Variants in STK32B observed in about 807,000 individuals in gnomAD.
STK32B encodes serine/threonine-protein kinase 32B.
Under a neutral mutation model 52.6 loss-of-function variants are expected in STK32B, and 43 were observed. The observed-to-expected ratio is 0.82, with a 90% CI of 0.64 to 1.05. The LOEUF (loss-of-function observed/expected upper bound fraction) is 1.05, where lower values mean the gene tolerates loss of function less well. STK32B is among the 50% of genes least tolerant of loss of function. STK32B has a pLI of 0.00. For synonymous variants in STK32B, 238 were observed against 204.3 expected (o/e 1.17, Z -1.41); for missense variants, 621 against 534.6 (o/e 1.16, Z -1.59).
At chr4:5,239,105 C>A (rs1055597196) in intron 3 of STK32B, among the ~76,000 whole-genome samples, 2 of 152,010 alleles carry the variant, frequency 1.3e-5, no homozygotes, top group Non-Finnish European at 2.9e-5. Flanking sequence ...GCATGGGAAG[C>A]CCTGAGGTGA....
upstream of STK32B, among the ~76,000 whole-genome samples, chr4:5,050,700 C>T (rs528443869): frequency 1.1e-4 from 17 of 152,316 alleles, no homozygotes; most frequent in South Asian, 2.9e-3. Flanking sequence ...CTGCCTGTCC[C>T]TCAGGGAGCG....
At chr4:5,412,450 G>T (rs767453737) in intron 5 of STK32B, among the ~76,000 whole-genome samples, 1 of 152,160 alleles carries the variant, frequency 6.6e-6, no homozygotes, top group Admixed American at 6.5e-5. Context: ...GTCGTGCAGG[G>T]TGTTGCCCAC....
intron 3 of STK32B, among the ~76,000 whole-genome samples, chr4:5,279,066 A>G (rs1728026397): frequency 6.6e-6 from 1 of 152,010 alleles, no homozygotes; most frequent in Admixed American, 6.6e-5. Context: ...ACCCCTCCCA[A>G]ATCTCATATC....
At chr4:5,225,328 A>C (rs1333529678) in intron 3 of STK32B, among the ~76,000 whole-genome samples, 3 of 151,898 alleles carry the variant, frequency 2.0e-5, no homozygotes, top group Non-Finnish European at 4.4e-5. Flanking sequence ...AATCGTTTGA[A>C]CCCAGGAGGC....
chr4:5,151,208 C>G (rs563928576), intron 2 of STK32B, among the ~76,000 whole-genome samples: 1 of 152,280 alleles, frequency 6.6e-6, no homozygotes, highest in African/African-American at 2.4e-5. Flanking sequence ...GTATTCAGCA[C>G]AAGGTTAACC....
chr4:5,363,154 A>G (rs1349261046), intron 4 of STK32B, among the ~76,000 whole-genome samples: 3 of 152,226 alleles, frequency 2.0e-5, no homozygotes, highest in Non-Finnish European at 4.4e-5. Flanking sequence ...CACGGTGCCT[A>G]TCAGGAATGT....
rs1269396867 is a variant in STK32B at position 5,456,895 on chromosome 4, G to C, written c.755G>C (p.Cys252Ser). The change falls in exon 8 of 12, where the codon TGC (cysteine) becomes TCC (serine). Residue 252 changes from cysteine (C) to serine (S), a missense_variant. Cys to Ser is a moderately radical substitution (Grantham distance 112). Transcript: ENST00000282908. ...VERVHYSSTW[C>S]KGMVALLRKL... ...CGTGTCCACTACTCCTCCACGTGGT[G>C]CAAGGGGATGGTGGCCCTGCTGAGG... The C allele has an allele frequency of 5.7e-6, 9 of 1,582,758 alleles. No individual in the cohort carries two copies. Among genetic ancestry groups the C allele is most frequent in the Non-Finnish European group, 7.7e-6 (9 of 1,163,052 alleles).
chr4:5,398,131 C>A lies in STK32B; in HGVS notation c.435-76C>A. Reference sequence around the variant, plus strand: ...CAGCCTGGGTGTTCCAGCATTTGTCCTGATGTGGTGCTTGTCTATGTGCTC... The same window carrying A: ...CAGCCTGGGTGTTCCAGCATTTGTCATGATGTGGTGCTTGTCTATGTGCTC... On this transcript the variant is annotated intron_variant, in intron 4 of 11. Transcript: ENST00000282908. This position sits in a 1 kb window ranked among gnomAD's most constrained non-coding sequence, Gnocchi z 4.9. 1.3e-6 allele frequency: 2 copies of A among 1,557,308 alleles called. No individual in the cohort carries two copies. Among genetic ancestry groups the A allele is most frequent in the Non-Finnish European group, 8.8e-7 (1 of 1,137,554 alleles).
chr4:5,197,102 T>G (rs1301926855), intron 3 of STK32B, among the ~76,000 whole-genome samples: 1 of 152,150 alleles, frequency 6.6e-6, no homozygotes, highest in Non-Finnish European at 1.5e-5. Flanking sequence ...GAAACTCAGA[T>G]GTCTGCAGGG....
intron 3 of STK32B, among the ~76,000 whole-genome samples, chr4:5,275,454 C>G (rs371905242): frequency 2.0e-4 from 30 of 152,310 alleles, no homozygotes; most frequent in Non-Finnish European, 3.7e-4. Flanking sequence ...TCTGGGCACT[C>G]TCTCACCCAG....
At chr4:5,022,844 G>A in the STK32B span, among the ~76,000 whole-genome samples, 1 of 151,964 alleles carries the variant, frequency 6.6e-6, no homozygotes. Context: ...TCCTCTCGGA[G>A]GAGATTGATG....
intron 4 of STK32B, among the ~76,000 whole-genome samples, chr4:5,390,070 C>T (rs897873699): frequency 6.6e-6 from 1 of 152,184 alleles, no homozygotes; most frequent in African/African-American, 2.4e-5. Context: ...TACTCTTTGC[C>T]CCTGAGGTTC....
intron 3 of STK32B, among the ~76,000 whole-genome samples, chr4:5,300,696 A>G (rs1729496987): frequency 6.6e-6 from 1 of 152,186 alleles, no homozygotes; most frequent in Admixed American, 6.5e-5. Flanking sequence ...CAATAACCAC[A>G]AAAAGAATAA....
intron 11 of STK32B, among the ~76,000 whole-genome samples, chr4:5,483,718 G>A (rs1046104678): frequency 5.3e-5 from 8 of 151,968 alleles, no homozygotes; most frequent in African/African-American, 1.9e-4. Flanking sequence ...TTCTCTTGTG[G>A]ACATTTAGTG....
intron 3 of STK32B, among the ~76,000 whole-genome samples, chr4:5,318,489 C>G (rs1731266435): frequency 6.6e-6 from 1 of 151,998 alleles, no homozygotes; most frequent in African/African-American, 2.4e-5. Context: ...AAGTTAGGAG[C>G]AAGATAAAAT....
chr4:5,343,335 C>T (rs13140795), intron 4 of STK32B, among the ~76,000 whole-genome samples: 2 of 151,764 alleles, frequency 1.3e-5, no homozygotes, highest in South Asian at 2.1e-4. Flanking sequence ...ACATTTTCTT[C>T]ATCCAGTCTA....
At chr4:5,283,506 C>A (rs182909594) in intron 3 of STK32B, among the ~76,000 whole-genome samples, 12 of 152,176 alleles carry the variant, frequency 7.9e-5, no homozygotes, top group African/African-American at 2.6e-4. Flanking sequence ...GGTTGCCAGT[C>A]AAATTTAATC....
At chr4:5,264,744 G>A (rs1033710884) in intron 3 of STK32B, among the ~76,000 whole-genome samples, 15 of 151,870 alleles carry the variant, frequency 9.9e-5, no homozygotes, top group East Asian at 1.9e-4. Flanking sequence ...CCAAGATTGC[G>A]CCACTGCACT....
At chr4:5,420,880 G>A (rs1384973005) in intron 6 of STK32B, among the ~76,000 whole-genome samples, 4 of 119,466 alleles carry the variant, frequency 3.3e-5, no homozygotes, top group Admixed American at 8.3e-5. Context: ...GGAGAAGTTC[G>A]AGACAGTTTT....
Sources: allele counts gnomAD v4.1 joint callset (sites outside exome capture counted in the v4.1 genomes callset), GRCh38; gene constraint gnomAD v4.1.1; non-coding constraint Gnocchi (gnomAD v3.1); transcripts MANE v1.5; gene names NCBI Gene and HGNC (gene_info 2026-07-23, HGNC 2026-07-21).